Variants in CCDC68 observed in about 807,000 individuals in gnomAD.
CCDC68 encodes the protein coiled-coil domain-containing protein 68.
In CCDC68, 45 loss-of-function variants were observed where a neutral mutation model predicts 47.1. The observed-to-expected ratio is 0.96, with a 90% CI of 0.75 to 1.23. The LOEUF is 1.23. Ranked by LOEUF, CCDC68 falls within the 50% of genes most tolerant of loss-of-function variation. The pLI, the probability that CCDC68 is intolerant of heterozygous loss-of-function variation, is 0.00. For synonymous variants in CCDC68, 131 were observed against 129.5 expected, an observed-to-expected ratio of 1.01 and a Z score of -0.08; for missense variants, 353 against 373.6, an observed-to-expected ratio of 0.94 and a Z score of 0.45.
rs528033589 is a variant in CCDC68, at chr18:54,941,582, T to C, written c.118-499A>G. On this transcript the variant is annotated intron_variant, in intron 3 of 11. Transcript: ENST00000591504. Reference sequence around the variant, plus strand: ...AATGAAATATAAGCCCATGTCTTGATGACCTATGGAGTTGCAAGACACTCA... The same window carrying C: ...AATGAAATATAAGCCCATGTCTTGACGACCTATGGAGTTGCAAGACACTCA... Among the ~76,000 whole-genome samples, 4 of 152,258 alleles carry C rather than the reference T, an allele frequency of 2.6e-5. No individual in the cohort carries two copies. In the South Asian group the frequency reaches 8.3e-4, roughly 32 times the overall value.
intron 10 of CCDC68, among the ~76,000 whole-genome samples, chr18:54,911,976 T>A (rs563872155): frequency 6.6e-6 from 1 of 152,372 alleles, no homozygotes; most frequent in African/African-American, 2.4e-5. Context: ...AGTATATGCA[T>A]GAGTTTTATT....
In CCDC68 at chr18:54,917,932, A is replaced by G. The variant is rs2043984481; in HGVS notation, c.854T>C (p.Val285Ala). ...DKRIENLREK[V>A]NILEAQNKEL... ...CCTTACCTGGGCTTCAAGTATGTTA[A>G]CCTTTTCTCTGAGATTTTCAATTCT... Residue 285 changes from valine (V) to alanine (A), a missense_variant, in exon 10 of 12, where the codon GTT becomes GCT. Physicochemically the swap from Val to Ala is moderately conservative, Grantham distance 64 (BLOSUM62 0). Transcript: ENST00000591504. 5 of 1,577,898 alleles carry G rather than the reference A, an allele frequency of 3.2e-6. No individual in the cohort carries two copies. Among genetic ancestry groups the G allele is most frequent in the Admixed American group, 1.7e-5 (1 of 58,584 alleles).
intron 1 of CCDC68, 148 bp from the exon 2 acceptor site, chr18:54,945,625 TC>T (rs1287652165): frequency 6.6e-6 from 1 of 152,226 alleles, no homozygotes; most frequent in Non-Finnish European, 1.5e-5. Context: ...CCTGCATTTA[TC>T]CTTTAATCTT....
At chr18:54,906,290 A>G (rs555906161) in intron 11 of CCDC68, among the ~76,000 whole-genome samples, 64 of 152,258 alleles carry the variant, frequency 4.2e-4, no homozygotes, top group Non-Finnish European at 8.5e-4. Context: ...CACCACTTCA[A>G]TTAGGAAATT....
chr18:54,909,518 A>T (rs1261225750), intron 10 of CCDC68, among the ~76,000 whole-genome samples: 1 of 151,070 alleles, frequency 6.6e-6, no homozygotes, highest in Non-Finnish European at 1.5e-5. Flanking sequence ...CCAGAGTTTT[A>T]CTTGGTTCCG....
At chr18:54,924,122 A>G (rs916859405) in intron 8 of CCDC68, among the ~76,000 whole-genome samples, 1 of 152,366 alleles carries the variant, frequency 6.6e-6, no homozygotes, top group Non-Finnish European at 1.5e-5. Context: ...ATGTCTCAAC[A>G]TAATTTTTGA....
At chr18:54,951,555 G>A (rs767021737) in intron 1 of CCDC68, among the ~76,000 whole-genome samples, 17 of 152,172 alleles carry the variant, frequency 1.1e-4, no homozygotes, top group Non-Finnish European at 1.8e-4. Context: ...GAGTTGTCTG[G>A]CTCTTTCTCA....
chr18:54,948,944 T>C (rs2044569954), intron 1 of CCDC68, among the ~76,000 whole-genome samples: 1 of 152,098 alleles, frequency 6.6e-6, no homozygotes, highest in South Asian at 2.1e-4. Context: ...TCCAGGCAAA[T>C]GGGAAAGCAA....
chr18:54,924,005 TAATAA>T (rs1407412912), intron 8 of CCDC68, among the ~76,000 whole-genome samples: 1 of 151,914 alleles, frequency 6.6e-6, no homozygotes, highest in Non-Finnish European at 1.5e-5. Context: ...AGCCCAATCT[TAATAA>T]AGAGGTACAC....
intron 1 of CCDC68, among the ~76,000 whole-genome samples, chr18:54,951,548 T>C (rs1328158043): frequency 6.6e-6 from 1 of 152,028 alleles, no homozygotes; most frequent in Non-Finnish European, 1.5e-5. Flanking sequence ...AAACCATGAG[T>C]TGTCTGGCTC....
chr18:54,938,239 A>G, intron 4 of CCDC68, 142 bp from the exon 5 acceptor site: 1 of 732,904 alleles, frequency 1.4e-6, no homozygotes, highest in East Asian at 3.2e-5. Flanking sequence ...TCAAATATCA[A>G]TGGGAAATTC....
chr18:54,919,417 G>T, intron 8 of CCDC68, 41 bp from the exon 9 acceptor site: 1 of 1,440,302 alleles, frequency 6.9e-7, no homozygotes, highest in Non-Finnish European at 9.8e-7. Context: ...AAAATGATTG[G>T]CTCACACGTT....
chr18:54,912,422 A>T (rs1379081062), intron 10 of CCDC68, among the ~76,000 whole-genome samples: 1 of 8,274 alleles, frequency 1.2e-4, no homozygotes, highest in Admixed American at 2.6e-3. Context: ...TATCACCTAT[A>T]GGGAGAGGAA....
At chr18:54,953,507 T>C (rs938377102) in intron 1 of CCDC68, among the ~76,000 whole-genome samples, 1 of 35,206 alleles carries the variant, frequency 2.8e-5, no homozygotes, top group Non-Finnish European at 5.4e-5. Flanking sequence ...ATTATATATA[T>C]ACATACACAC....
At position 54,937,025 on chromosome 18, in the gene CCDC68, G is replaced by A. The variant is rs1046844982; in HGVS notation, c.346-67C>T. 311 of 1,517,490 alleles carry A rather than the reference G, an allele frequency of 2.0e-4. 1 individual carries two copies. The African/African-American group carries it at 3.9e-3, about 19-fold the overall frequency. The allele number at this position is 1,517,490 out of a possible 1,614,324, so 94.0% of individuals were successfully genotyped here. On this transcript the variant is annotated intron_variant, in intron 5 of 11. Transcript: ENST00000591504. Reference sequence around the variant, plus strand: ...AAAAGTGTTAAAGGCAGAACAGTTTGATGGGCAATTAAGAACACCAAAGGT... The same window carrying A: ...AAAAGTGTTAAAGGCAGAACAGTTTAATGGGCAATTAAGAACACCAAAGGT...
intron 8 of CCDC68, among the ~76,000 whole-genome samples, chr18:54,927,309 C>G (rs926327517): frequency 6.6e-6 from 1 of 152,056 alleles, no homozygotes; most frequent in African/African-American, 2.4e-5. Context: ...CTAAAACTTC[C>G]TTAGGAGCTT....
At chr18:54,957,096 C>G (rs2044724328) in intron 1 of CCDC68, among the ~76,000 whole-genome samples, 2 of 151,922 alleles carry the variant, frequency 1.3e-5, no homozygotes, top group Non-Finnish European at 2.9e-5. Context: ...TAATTTTTGT[C>G]TCTAGATTAT....
intron 1 of CCDC68, among the ~76,000 whole-genome samples, chr18:54,949,088 G>T (rs1054205281): frequency 6.6e-6 from 1 of 152,146 alleles, no homozygotes; most frequent in African/African-American, 2.4e-5. Flanking sequence ...CTACTTCCTG[G>T]GTTCCAGTGA....
chr18:54,937,005 T>A, intron 5 of CCDC68, 47 bp from the exon 6 acceptor site: 1 of 1,608,604 alleles, frequency 6.2e-7, no homozygotes, highest in Non-Finnish European at 8.5e-7. Context: ...CAACAAAAAG[T>A]GTTAAAGGCA....
Sources: allele counts gnomAD v4.1 joint callset (sites outside exome capture counted in the v4.1 genomes callset), GRCh38; gene constraint gnomAD v4.1.1; transcripts MANE v1.5; gene names NCBI Gene and HGNC (gene_info 2026-07-23, HGNC 2026-07-21).